The following MAPK10 variants were observed in gnomAD, a reference collection of about 807,000 sequenced individuals.
The protein encoded by MAPK10 is mitogen-activated protein kinase 10, also known as JNK3 alpha protein kinase.
In MAPK10, 25 loss-of-function variants were observed where a neutral mutation model predicts 59.3. The observed-to-expected ratio is 0.42, with a 90% CI of 0.31 to 0.59. MAPK10 has a LOEUF of 0.59. Among genes scored for constraint, MAPK10 ranks in the 20% least tolerant of loss-of-function variants. The pLI is 0.15. For synonymous variants in MAPK10, 190 were observed against 200.5 expected (o/e 0.95, Z 0.44); for missense variants, 351 against 568.9 (o/e 0.62, Z 3.90).
chr4:86,245,240 C>G (rs1335228024), intron 2 of MAPK10, among the ~76,000 whole-genome samples: 1 of 152,012 alleles, frequency 6.6e-6, no homozygotes, highest in Non-Finnish European at 1.5e-5. Context: ...TGAAAACATT[C>G]ATTTGCTGAG....
intron 4 of MAPK10, chr4:86,151,856 A>C (rs1335745036): frequency 2.0e-5 from 3 of 152,230 alleles, no homozygotes; most frequent in Non-Finnish European, 4.4e-5. Context: ...ATGCCAGTGA[A>C]TTATTTAACA....
At chr4:86,225,788 C>T (rs1398693747) in intron 2 of MAPK10, among the ~76,000 whole-genome samples, 1 of 152,076 alleles carries the variant, frequency 6.6e-6, no homozygotes, top group Non-Finnish European at 1.5e-5. Flanking sequence ...GGAATATTTC[C>T]AAAAGGCAGT....
At chr4:86,392,691 C>T (rs1364459874) in intron 1 of MAPK10, among the ~76,000 whole-genome samples, 1 of 151,908 alleles carries the variant, frequency 6.6e-6, no homozygotes, top group Non-Finnish European at 1.5e-5. Context: ...GTGTCAGATA[C>T]ATAAAAGGTG....
intron 9 of MAPK10, among the ~76,000 whole-genome samples, chr4:86,096,288 G>T (rs1196103383): frequency 2.0e-5 from 3 of 151,694 alleles, no homozygotes; most frequent in Admixed American, 6.6e-5. Context: ...ATTAAAAAAG[G>T]TGGGAGGGGC....
intron 2 of MAPK10, among the ~76,000 whole-genome samples, chr4:86,250,594 A>G (rs1430513977): frequency 1.3e-5 from 2 of 152,134 alleles, no homozygotes; most frequent in African/African-American, 4.8e-5. Flanking sequence ...ATTTAATTAA[A>G]TTACATCTCA....
intron 2 of MAPK10, chr4:86,336,548 A>C (rs1721480903): frequency 6.6e-6 from 1 of 152,164 alleles, no homozygotes; most frequent in Non-Finnish European, 1.5e-5. Flanking sequence ...GGGAGAATAC[A>C]AGCCTAGGAC....
chr4:86,022,459 G>T (rs1038733337), intron 13 of MAPK10, among the ~76,000 whole-genome samples: 4 of 151,610 alleles, frequency 2.6e-5, no homozygotes, highest in Non-Finnish European at 5.9e-5. Flanking sequence ...TTTTATTATT[G>T]AGTTGTAAGC....
At chr4:86,135,284 CT>C (rs2061771530) in intron 4 of MAPK10, among the ~76,000 whole-genome samples, 1 of 152,218 alleles carries the variant, frequency 6.6e-6, no homozygotes, top group African/African-American at 2.4e-5. Flanking sequence ...TTAAATGTCC[CT>C]GTCTGACAGC....
rs777321409 is a variant in MAPK10, at chr4:86,011,654, C to A, written c.*5574G>T. ...TATTATTGTGGGTATTTTTAGGTACCTATGCTTGACCTTTTTTAAAGAGAG... is the reference window on the plus strand; with the variant it reads ...TATTATTGTGGGTATTTTTAGGTACATATGCTTGACCTTTTTTAAAGAGAG... On this transcript the variant is annotated 3_prime_UTR_variant, in exon 14 of 14. Coordinates refer to ENST00000641462, the MANE Select transcript of MAPK10 (RefSeq NM_138982.4). The A allele has an allele frequency of 2.0e-5, 3 of 152,052 alleles. No homozygotes were observed. Among genetic ancestry groups the A allele is most frequent in the Non-Finnish European group, 2.9e-5 (2 of 67,986 alleles). The allele number at this position is 152,052 out of a possible 1,614,324, so 9.4% of individuals were successfully genotyped here.
intron 1 of MAPK10, among the ~76,000 whole-genome samples, chr4:86,588,149 A>C (rs757591674): frequency 6.6e-6 from 1 of 152,134 alleles, no homozygotes; most frequent in Non-Finnish European, 1.5e-5. Flanking sequence ...ATACTGGAAT[A>C]CAGTCTGGGG....
At chr4:86,168,406 T>G (rs1276413907) in intron 3 of MAPK10, among the ~76,000 whole-genome samples, 1 of 152,186 alleles carries the variant, frequency 6.6e-6, no homozygotes, top group East Asian at 1.9e-4. Flanking sequence ...ACCAGGAGAT[T>G]ATATCCCGCA....
At chr4:86,591,396 C>T (rs1299447353) in intron 1 of MAPK10, among the ~76,000 whole-genome samples, 1 of 151,966 alleles carries the variant, frequency 6.6e-6, no homozygotes, top group Non-Finnish European at 1.5e-5. Flanking sequence ...ATTTTTGAGA[C>T]AGGATCTCAC....
chr4:86,245,984 C>A (rs927704059), intron 2 of MAPK10, among the ~76,000 whole-genome samples: 1 of 152,096 alleles, frequency 6.6e-6, no homozygotes, highest in Admixed American at 6.5e-5. Context: ...AATAAATAGG[C>A]AAATAATGTT....
intron 11 of MAPK10, among the ~76,000 whole-genome samples, chr4:86,061,192 T>G (rs1432071940): frequency 6.6e-6 from 1 of 152,272 alleles, no homozygotes; most frequent in East Asian, 1.9e-4. Context: ...AGCAGAAATT[T>G]AAACCTAACT....
At chr4:86,251,814 T>A (rs2093452152) in intron 2 of MAPK10, among the ~76,000 whole-genome samples, 1 of 138,744 alleles carries the variant, frequency 7.2e-6, no homozygotes, top group Non-Finnish European at 1.5e-5. Flanking sequence ...TGTTCCTATT[T>A]CTCCACATCC....
At chr4:86,410,487 CT>C (rs1306334139) in intron 1 of MAPK10, among the ~76,000 whole-genome samples, 4 of 152,148 alleles carry the variant, frequency 2.6e-5, no homozygotes, top group Non-Finnish European at 5.9e-5. Context: ...GTACCAGCTC[CT>C]TTTTGTACCT....
chr4:86,089,969 G>A (rs1162478062), intron 9 of MAPK10, among the ~76,000 whole-genome samples: 2 of 152,096 alleles, frequency 1.3e-5, no homozygotes, highest in East Asian at 1.9e-4. Flanking sequence ...TGACTAAAGA[G>A]CTGATACTTC....
intron 1 of MAPK10, among the ~76,000 whole-genome samples, chr4:86,393,531 T>C (rs950587593): frequency 5.9e-5 from 9 of 152,236 alleles, no homozygotes; most frequent in South Asian, 2.1e-4. Context: ...CAGGCAAGCA[T>C]TGACAAACTG....
chr4:86,017,439 T>C lies in MAPK10; in HGVS notation c.1253-69A>G, dbSNP rs1214593575. On this transcript the variant is annotated intron_variant, in intron 13 of 13. Coordinates refer to ENST00000641462, the MANE Select transcript of MAPK10 (RefSeq NM_138982.4). This position sits in a 1 kb window ranked among gnomAD's most constrained non-coding sequence, Gnocchi z 4.4. ...AGACCCATCTTAATGCCATTCAGGA[T>C]TCAGGGATGGGCAAATACAATAGGG... is the stretch of plus-strand genomic sequence containing the variant. The C allele has an allele frequency of 3.2e-6, 5 of 1,568,918 alleles. No homozygotes were observed. Among genetic ancestry groups the C allele is most frequent in the Non-Finnish European group, 4.4e-6 (5 of 1,145,156 alleles).
Sources: gnomAD v4.1 joint callset for allele counts (sites outside exome capture counted in the v4.1 genomes callset) on GRCh38, gnomAD v4.1.1 for gene constraint, Gnocchi (gnomAD v3.1) non-coding constraint, MANE v1.5 for transcripts, NCBI Gene and HGNC (gene_info 2026-07-23, HGNC 2026-07-21) for gene names.